The following UHRF2 variants were observed in gnomAD, a reference collection of about 807,000 sequenced individuals.
UHRF2 encodes the protein ubiquitin like with PHD and ring finger domains 2, also known as E3 ubiquitin-protein ligase UHRF2.
In UHRF2, 23 loss-of-function variants were observed where a neutral mutation model predicts 96.8. The ratio of observed to expected loss-of-function variants is 0.24; its 90% CI spans 0.17 to 0.34. The LOEUF is 0.34. UHRF2 is among the 10% of genes least tolerant of loss of function. UHRF2 has a pLI of 1.00. For missense variants in UHRF2, 685 were observed against 981.5 expected (o/e 0.70, Z 4.04); for synonymous variants, 385 against 332.6 (o/e 1.16, Z -1.72).
rs780754978 is a variant in UHRF2, at chr9:6,506,013, T to A, written c.2263-20T>A. Reference sequence around the variant, plus strand: ...TGCTTTATGCTCAGATTAAATTGGATGTTTTTGTTTTTACCATAGGATTGC... The same window carrying A: ...TGCTTTATGCTCAGATTAAATTGGAAGTTTTTGTTTTTACCATAGGATTGC... On this transcript the variant is annotated intron_variant, in intron 15 of 15. Transcript: ENST00000276893. 1 of 1,613,572 alleles carries A rather than the reference T, an allele frequency of 6.2e-7. No individual in the cohort carries two copies. Among genetic ancestry groups the A allele is most frequent in the Admixed American group, 1.7e-5 (1 of 59,940 alleles).
intron 1 of UHRF2, among the ~76,000 whole-genome samples, chr9:6,416,713 G>C (rs1021139081): frequency 6.6e-6 from 1 of 151,244 alleles, no homozygotes; most frequent in Non-Finnish European, 1.5e-5. Flanking sequence ...CTGATTTTTT[G>C]TATTTTTAGT....
rs181414172 is a variant in UHRF2 at position 6,486,345 on chromosome 9, C to T, written c.1393-476C>T. Among the ~76,000 whole-genome samples the T allele has an allele frequency of 5.0e-4, 76 of 152,172 alleles. 1 individual carries two copies. In the East Asian group the frequency reaches 0.014, roughly 28 times the overall value. ...AGGTAAAATCAGCAATCCTTGTAAC[C>T]AAAAGGGTTTGAGGAATAAGGGAGA... is the stretch of plus-strand genomic sequence containing the variant. On this transcript the variant is annotated intron_variant, in intron 8 of 15. Transcript: ENST00000276893.
At chr9:6,485,818 A>AC (rs1412495909) in intron 8 of UHRF2, among the ~76,000 whole-genome samples, 2 of 150,762 alleles carry the variant, frequency 1.3e-5, no homozygotes, top group Non-Finnish European at 3.0e-5. Flanking sequence ...AAAAAAAAAA[A>AC]AAAAAAAAAA....
At chr9:6,485,755 G>A (rs1021969406) in intron 8 of UHRF2, among the ~76,000 whole-genome samples, 4 of 143,940 alleles carry the variant, frequency 2.8e-5, no homozygotes, top group African/African-American at 1.0e-4. Flanking sequence ...CTTGAGCCCA[G>A]GAGTTCAAGA....
intron 9 of UHRF2, among the ~76,000 whole-genome samples, chr9:6,491,191 G>T (rs13283631): frequency 6.6e-6 from 1 of 152,188 alleles, no homozygotes; most frequent in Non-Finnish European, 1.5e-5. Flanking sequence ...GAAGTAGTTT[G>T]CTCAGTGTTC....
intron 4 of UHRF2, among the ~76,000 whole-genome samples, chr9:6,471,074 TAAG>T (rs1361078754): frequency 2.6e-5 from 4 of 152,228 alleles, no homozygotes; most frequent in African/African-American, 4.8e-5. Context: ...GTTGGGATTG[TAAG>T]AAGATGACAA....
At chr9:6,448,180 A>G (rs1365931004) in intron 3 of UHRF2, among the ~76,000 whole-genome samples, 1 of 152,208 alleles carries the variant, frequency 6.6e-6, no homozygotes, top group Non-Finnish European at 1.5e-5. Context: ...GCAAAAAGAC[A>G]GAGTACCTAA....
At chr9:6,439,891 T>TA (rs1821062539) in intron 3 of UHRF2, among the ~76,000 whole-genome samples, 2 of 152,146 alleles carry the variant, frequency 1.3e-5, no homozygotes, top group African/African-American at 2.4e-5. Flanking sequence ...GAGGAGGACT[T>TA]AAGCAAAATG....
intron 3 of UHRF2, among the ~76,000 whole-genome samples, chr9:6,436,752 A>G (rs1459384602): frequency 1.3e-5 from 2 of 152,230 alleles, no homozygotes; most frequent in Non-Finnish European, 2.9e-5. Flanking sequence ...ACAGTACCTT[A>G]GCATATATTT....
In UHRF2 at chr9:6,429,571, T is replaced by C. The variant is rs185993675; in HGVS notation, c.385-4343T>C. Among the ~76,000 whole-genome samples the C allele has an allele frequency of 1.4e-4, 21 of 152,308 alleles. No homozygotes were observed. The East Asian group carries it at 3.5e-3, about 25-fold the overall frequency. The stretch of plus-strand genomic sequence containing the variant: ...GTCTCGAACTCCTGACCTCAGGTGC[T>C]CCACCTGCCTCGGCCTCCCGAAGTG... On this transcript the variant is annotated intron_variant, in intron 2 of 15. Coordinates refer to ENST00000276893, the MANE Select transcript of UHRF2 (RefSeq NM_152896.3).
At chr9:6,443,275 G>C (rs184565381) in intron 3 of UHRF2, among the ~76,000 whole-genome samples, 4 of 152,278 alleles carry the variant, frequency 2.6e-5, no homozygotes, top group Admixed American at 6.5e-5. Flanking sequence ...AAATAACACA[G>C]TGTGCCAAGC....
Position 6,481,784 on chromosome 9 carries a change from C to A in UHRF2, c.1284+18C>A. On this transcript the variant is annotated intron_variant, in intron 7 of 15. Coordinates refer to ENST00000276893, the MANE Select transcript of UHRF2 (RefSeq NM_152896.3). ...GGGGCAGGGTAAAGAAGAAATTCCC[C>A]TTTTCTTCCTAATAGCAAGTTATAA... 1 of 1,599,720 alleles carries A rather than the reference C, an allele frequency of 6.3e-7. No individual in the cohort carries two copies. The highest frequency in any genetic ancestry group is 1.8e-5 in the Admixed American group (1 of 54,906).
At chr9:6,460,104 C>T (rs535022509) in intron 3 of UHRF2, among the ~76,000 whole-genome samples, 90 of 152,326 alleles carry the variant, frequency 5.9e-4, no homozygotes, top group South Asian at 1.2e-3. Context: ...TAGTTTTGCT[C>T]TGGGAAGTCA....
At chr9:6,451,204 T>C (rs745840976) in intron 3 of UHRF2, among the ~76,000 whole-genome samples, 5 of 152,300 alleles carry the variant, frequency 3.3e-5, no homozygotes, top group South Asian at 4.1e-4. Context: ...TTAGGAAATA[T>C]ATCATTTGGG....
chr9:6,419,430 A>T (rs1048684684), intron 1 of UHRF2, among the ~76,000 whole-genome samples: 9 of 152,206 alleles, frequency 5.9e-5, no homozygotes, highest in Non-Finnish European at 1.2e-4. Context: ...AAGTGGAGTA[A>T]CATGAGCAAG....
intron 9 of UHRF2, among the ~76,000 whole-genome samples, chr9:6,489,275 T>C (rs1824508968): frequency 6.6e-6 from 1 of 152,252 alleles, no homozygotes; most frequent in Admixed American, 6.5e-5. Flanking sequence ...TACTAGTCCA[T>C]GGTGTGGATG....
chr9:6,481,379 A>G (rs1194796507), intron 6 of UHRF2, among the ~76,000 whole-genome samples: 3 of 152,180 alleles, frequency 2.0e-5, no homozygotes, highest in African/African-American at 7.2e-5. Context: ...AGTTCATGGT[A>G]TCATTTTGAA....
At chr9:6,481,622 G>T (rs535843849) in intron 6 of UHRF2, 21 bp from the exon 7 acceptor site, 1 of 1,604,174 alleles carries the variant, frequency 6.2e-7, no homozygotes, top group Middle Eastern at 1.9e-4. Flanking sequence ...AAATGCCTTC[G>T]TTCTTTTTTT....
intron 1 of UHRF2, chr9:6,415,324 CT>C (rs1819535634): frequency 1.3e-5 from 2 of 152,210 alleles, no homozygotes; most frequent in African/African-American, 4.8e-5. Flanking sequence ...TAATTCACTA[CT>C]TGGGTTTCTT....
Sources: allele counts gnomAD v4.1 joint callset (sites outside exome capture counted in the v4.1 genomes callset), GRCh38; gene constraint gnomAD v4.1.1; transcripts MANE v1.5; gene names NCBI Gene and HGNC (gene_info 2026-07-23, HGNC 2026-07-21).